Variants in SPIRE2 observed in about 807,000 individuals in gnomAD.
SPIRE2 encodes spire type actin nucleation factor 2.
Under a neutral mutation model 80.7 loss-of-function variants are expected in SPIRE2, and 76 were observed. That is an observed-to-expected ratio of 0.94 (90% CI 0.78 to 1.14). SPIRE2 has a LOEUF of 1.14. Ranked by LOEUF, SPIRE2 falls within the 50% of genes most tolerant of loss-of-function variation. The pLI is 0.00. For missense variants in SPIRE2, 1,196 were observed against 1,015.3 expected, an observed-to-expected ratio of 1.18 and a Z score of -2.42; for synonymous variants, 535 against 432.6, an observed-to-expected ratio of 1.24 and a Z score of -2.94.
chr16:89,848,946 G>A (rs950421029), intron 2 of SPIRE2, among the ~76,000 whole-genome samples: 13 of 141,470 alleles, frequency 9.2e-5, no homozygotes, highest in African/African-American at 2.5e-4. Context: ...GACAGACGAG[G>A]CAGGTTCCAG....
chr16:89,830,196 C>T (rs1009490513), intron 1 of SPIRE2, among the ~76,000 whole-genome samples: 2 of 151,226 alleles, frequency 1.3e-5, no homozygotes, highest in Non-Finnish European at 3.0e-5. Context: ...GAGCAGTGAT[C>T]TGATTCTCTC....
intron 1 of SPIRE2, among the ~76,000 whole-genome samples, chr16:89,835,777 C>G (rs926530569): frequency 2.0e-5 from 3 of 152,196 alleles, no homozygotes; most frequent in African/African-American, 7.2e-5. Context: ...AAGGGCCCAG[C>G]CTCGCCTGGC....
chr16:89,870,162 G>A lies in SPIRE2; in HGVS notation c.2035G>A (p.Val679Met), dbSNP rs1343786860. ...TGAGTGCACCAGCTTTGTGGCAGAC[G>A]TGGTGCGTTCCAGCCGCAAGAGCGT... ...CSECTSFVAD[V>M]VRSSRKSVDV... is the part of the protein sequence containing the mutation. The change falls in exon 15 of 15, where the codon GTG (valine) becomes ATG (methionine). Residue 679 changes from valine (V) to methionine (M), a missense_variant. Val to Met is a conservative substitution (Grantham distance 21, BLOSUM62 1). Coordinates refer to ENST00000378247, the MANE Select transcript of SPIRE2 (RefSeq NM_032451.2). The A allele has an allele frequency of 5.0e-6, 8 of 1,610,994 alleles. No homozygotes were observed. The highest frequency in any genetic ancestry group is 5.9e-6 in the Non-Finnish European group (7 of 1,178,986).
At chr16:89,836,708 G>A (rs1365169199) in intron 1 of SPIRE2, among the ~76,000 whole-genome samples, 12 of 152,044 alleles carry the variant, frequency 7.9e-5, no homozygotes, top group Middle Eastern at 3.4e-3. Flanking sequence ...GGCCGGGGGC[G>A]GTGGCTCACG....
chr16:89,850,374 A>G lies in SPIRE2; in HGVS notation c.359A>G (p.Glu120Gly). The G allele has an allele frequency of 6.3e-7, 1 of 1,599,870 alleles. No individual in the cohort carries two copies. Among genetic ancestry groups the G allele is most frequent in the African/African-American group, 1.3e-5 (1 of 74,846 alleles). Residue 120 changes from glutamate to glycine, a missense_variant, in exon 3 of 15, where the codon GAA becomes GGA. Coordinates refer to ENST00000378247, the MANE Select transcript of SPIRE2 (RefSeq NM_032451.2). Reference sequence around the variant, plus strand: ...GGGCTGGACGAGAGCGAGGAGCGCGAACTCAGCCCTCAGCTGGAGCGGCTC... The same window carrying G: ...GGGCTGGACGAGAGCGAGGAGCGCGGACTCAGCCCTCAGCTGGAGCGGCTC... Reference protein sequence around the residue: ...DWGLDESEERELSPQLERLID... With the variant: ...DWGLDESEERGLSPQLERLID...
rs146029809 is a variant in SPIRE2 at position 89,830,908 on chromosome 16, C to CTTT, written c.244+2131_244+2133dup. Among the ~76,000 whole-genome samples, 412 of 117,294 alleles carry CTTT rather than the reference C, an allele frequency of 3.5e-3. 4 individuals are homozygous for CTTT. The highest frequency in any genetic ancestry group is 0.011 in the African/African-American group (336 of 30,598). 76.9% of individuals were successfully genotyped at this position (117,294 alleles called of 152,430 possible). On this transcript the variant is annotated intron_variant, in intron 1 of 14. Transcript: ENST00000378247. ...TGAAGACTTTGTAACTGCTTAGAAT[C>CTTT]TTTTTTTTTTTTTTTTTTTGAGAGG...
rs1567679854 is a variant in SPIRE2, at chr16:89,869,544, T to C, written c.1807-23T>C. 5 of 1,531,668 alleles carry C rather than the reference T, an allele frequency of 3.3e-6. No homozygotes were observed. The South Asian group carries it at 4.5e-5, about 14-fold the overall frequency. The allele number at this position is 1,531,668 out of a possible 1,614,324, so 94.9% of individuals were successfully genotyped here. A position where few individuals can be genotyped will look rare whatever the true frequency, so the allele number is the denominator to read the frequency against. Reference sequence around the variant, plus strand: ...AATGTCTCTGGTGGTGCCTGGTTCATACCTCCTCCCTCTGTGCTGCAGATG... The same window carrying C: ...AATGTCTCTGGTGGTGCCTGGTTCACACCTCCTCCCTCTGTGCTGCAGATG... On this transcript the variant is annotated intron_variant, in intron 13 of 14. Coordinates refer to ENST00000378247, the MANE Select transcript of SPIRE2 (RefSeq NM_032451.2).
At chr16:89,856,659 C>T (rs1000091326) in intron 7 of SPIRE2, among the ~76,000 whole-genome samples, 23 of 146,954 alleles carry the variant, frequency 1.6e-4, no homozygotes, top group African/African-American at 5.6e-4. Context: ...GGGGTTTCAC[C>T]ATATTGGCCA....
intron 1 of SPIRE2, among the ~76,000 whole-genome samples, chr16:89,831,448 A>G (rs1045497384): frequency 9.3e-5 from 13 of 139,566 alleles, no homozygotes; most frequent in Non-Finnish European, 1.7e-4. Flanking sequence ...CCCAGGCTGG[A>G]GTGCAGTGGC....
At chr16:89,858,058 G>A (rs891806268) in intron 7 of SPIRE2, among the ~76,000 whole-genome samples, 1 of 150,018 alleles carries the variant, frequency 6.7e-6, no homozygotes, top group Non-Finnish European at 1.5e-5. Flanking sequence ...AATTTTTTTT[G>A]TATTTTTTAG....
chr16:89,849,099 A>C (rs1207416859), intron 2 of SPIRE2, among the ~76,000 whole-genome samples: 1 of 152,250 alleles, frequency 6.6e-6, no homozygotes, highest in Non-Finnish European at 1.5e-5. Flanking sequence ...GCTCAGGATC[A>C]GGTTTCCTGG....
intron 10 of SPIRE2, among the ~76,000 whole-genome samples, chr16:89,861,392 A>G (rs957762690): frequency 2.6e-5 from 4 of 152,230 alleles, no homozygotes; most frequent in Admixed American, 2.6e-4. Flanking sequence ...CCAGCGGCTC[A>G]GATGAGAACA....
chr16:89,866,260 T>C (rs1243318980), intron 12 of SPIRE2, among the ~76,000 whole-genome samples: 1 of 152,174 alleles, frequency 6.6e-6, no homozygotes, highest in Non-Finnish European at 1.5e-5. Flanking sequence ...CTTCTGAGCA[T>C]GTGGTGTCTA....
At chr16:89,856,075 C>T in intron 6 of SPIRE2, 38 bp from the exon 7 acceptor site, 1 of 1,591,630 alleles carries the variant, frequency 6.3e-7, no homozygotes, top group Non-Finnish European at 8.6e-7. Flanking sequence ...CACCGCAGGT[C>T]CTGCTTCCCC....
At chr16:89,840,502 G>A (rs2041495334) in intron 1 of SPIRE2, among the ~76,000 whole-genome samples, 1 of 151,406 alleles carries the variant, frequency 6.6e-6, no homozygotes, top group Admixed American at 6.6e-5. Flanking sequence ...GCCCGCCTCG[G>A]CCTCCCAAAG....
At position 89,863,527 on chromosome 16, in the gene SPIRE2, G is replaced by C; in HGVS notation, c.1627G>C (p.Asp543His). ...SLALTVEEVM[D>H]VRRVLVKAEM... ...GGCGCTGACTGTGGAAGAGGTGATG[G>C]ACGTGCGCCGTGTGCTGGTGAAGGC... The change falls in exon 11 of 15, where the codon GAC (aspartate) becomes CAC (histidine). Residue 543 changes from aspartate (D) to histidine (H), a missense_variant. Coordinates refer to ENST00000378247, the MANE Select transcript of SPIRE2 (RefSeq NM_032451.2). The surrounding 1 kb of genome is among the most constrained non-coding windows in gnomAD (Gnocchi z 4.3). 6.2e-7 allele frequency: 1 copy of C among 1,614,088 alleles called. No individual in the cohort carries two copies. The highest frequency in any genetic ancestry group is 8.5e-7 in the Non-Finnish European group (1 of 1,180,024).
intron 1 of SPIRE2, among the ~76,000 whole-genome samples, chr16:89,835,584 A>G (rs1483716874): frequency 6.6e-6 from 1 of 152,186 alleles, no homozygotes; most frequent in African/African-American, 2.4e-5. Context: ...TTAAGCAAAC[A>G]TATCAGTGGG....
intron 10 of SPIRE2, among the ~76,000 whole-genome samples, chr16:89,861,472 C>T (rs1455477068): frequency 1.3e-5 from 2 of 152,246 alleles, no homozygotes; most frequent in Non-Finnish European, 2.9e-5. Flanking sequence ...CCCACCGAAA[C>T]GCAGGGCCTG....
chr16:89,849,968 A>C (rs1360582925), intron 2 of SPIRE2: 5 of 395,650 alleles, frequency 1.3e-5, no homozygotes, highest in East Asian at 1.2e-4. Flanking sequence ...CTCCCAAGTA[A>C]ATGGGATTTC....
Sources: allele counts gnomAD v4.1 joint callset (sites outside exome capture counted in the v4.1 genomes callset), GRCh38; gene constraint gnomAD v4.1.1; non-coding constraint Gnocchi (gnomAD v3.1); transcripts MANE v1.5; gene names NCBI Gene and HGNC (gene_info 2026-07-23, HGNC 2026-07-21).